Variants in ROPN1L observed in about 807,000 individuals in gnomAD.
ROPN1L encodes the protein rhophilin associated tail protein 1 like.
In ROPN1L, 23 loss-of-function variants were observed where a neutral mutation model predicts 22.7. That is an observed-to-expected ratio of 1.01 (90% CI 0.73 to 1.43). ROPN1L has a LOEUF of 1.43. ROPN1L is among the 40% of genes most tolerant of loss of function. The pLI is 0.00. For missense variants in ROPN1L, 271 were observed against 291.5 expected (o/e 0.93, Z 0.51); for synonymous variants, 116 against 117.8 (o/e 0.98, Z 0.10).
rs1170914114 is a variant in ROPN1L at position 10,457,097 on chromosome 5, C to A, written c.418-4087C>A. The stretch of plus-strand genomic sequence containing the variant: ...GAGCAAGTCCTGTCTTGGGGACAGT[C>A]TTTTAGAGGAGCCACGTGTGCAGTG... On this transcript the variant is annotated intron_variant, in intron 3 of 4. Transcript: ENST00000274134. 3.3e-5 allele frequency among the ~76,000 whole-genome samples: 5 copies of A among 152,192 alleles called. No individual in the cohort carries two copies. The East Asian group carries it at 9.6e-4, about 29-fold the overall frequency.
intron 1 of ROPN1L, 75 bp from the exon 2 acceptor site, chr5:10,448,185 G>C: frequency 6.4e-7 from 1 of 1,561,858 alleles, no homozygotes; most frequent in Non-Finnish European, 8.8e-7. Context: ...GTTTTGGGGG[G>C]TTATTTAAGA....
At chr5:10,454,333 A>G (rs1741351527) in intron 3 of ROPN1L, among the ~76,000 whole-genome samples, 1 of 152,116 alleles carries the variant, frequency 6.6e-6, no homozygotes, top group Non-Finnish European at 1.5e-5. Context: ...CATGTTGCCC[A>G]GGGTGATCTC....
chr5:10,443,738 TG>T (rs1245795365), intron 1 of ROPN1L, among the ~76,000 whole-genome samples: 1 of 152,220 alleles, frequency 6.6e-6, no homozygotes, highest in Non-Finnish European at 1.5e-5. Flanking sequence ...CTCTTTCCAG[TG>T]GTTCTCAGGA....
Position 10,442,380 on chromosome 5 carries a change from G to A in ROPN1L, c.131+82G>A, listed in dbSNP as rs1740913678. On this transcript the variant is annotated intron_variant, in intron 1 of 4. Coordinates refer to ENST00000274134, the MANE Select transcript of ROPN1L (RefSeq NM_031916.5). ...CAGAGAGCCCTCCTCCCGGACCAGG[G>A]GCCTTACGCGGCACTCAGCGTCCTT... 2.6e-6 allele frequency: 4 copies of A among 1,557,866 alleles called. No homozygotes were observed. The South Asian group carries it at 4.6e-5, about 18-fold the overall frequency.
chr5:10,457,076 A>G (rs1191593621), intron 3 of ROPN1L, among the ~76,000 whole-genome samples: 1 of 152,256 alleles, frequency 6.6e-6, no homozygotes, highest in African/African-American at 2.4e-5. Context: ...GGCTTTGAGC[A>G]AGTCCTGTCT....
At chr5:10,449,409 C>T (rs1053787067) in intron 2 of ROPN1L, among the ~76,000 whole-genome samples, 24 of 152,096 alleles carry the variant, frequency 1.6e-4, no homozygotes, top group African/African-American at 4.8e-4. Context: ...ATCCCAGCTA[C>T]TTGGGAGGCT....
At chr5:10,458,717 T>C (rs966819429) in intron 3 of ROPN1L, among the ~76,000 whole-genome samples, 1 of 40,014 alleles carries the variant, frequency 2.5e-5, no homozygotes, top group Non-Finnish European at 4.6e-5. Context: ...CATCATCCCC[T>C]TGTATACACC....
chr5:10,462,365 G>A (rs991328222), intron 4 of ROPN1L, among the ~76,000 whole-genome samples: 3 of 152,194 alleles, frequency 2.0e-5, no homozygotes, highest in Non-Finnish European at 4.4e-5. Context: ...ACACCTGATA[G>A]TATTCAGGGT....
intron 1 of ROPN1L, among the ~76,000 whole-genome samples, chr5:10,447,200 G>T (rs1741096153): frequency 6.6e-6 from 1 of 152,078 alleles, no homozygotes; most frequent in African/African-American, 2.4e-5. Context: ...AAGTCATTAG[G>T]GCCCCAAATG....
chr5:10,472,156 T>C (rs1735256840), downstream of ROPN1L: 1 of 152,242 alleles, frequency 6.6e-6, no homozygotes, highest in Non-Finnish European at 1.5e-5. Context: ...CTGTGTCTCA[T>C]TGTATAACTT....
intron 1 of ROPN1L, among the ~76,000 whole-genome samples, chr5:10,443,310 C>T (rs918852687): frequency 3.3e-5 from 5 of 151,810 alleles, no homozygotes; most frequent in Non-Finnish European, 7.4e-5. Flanking sequence ...CACCACAAAA[C>T]TTGACAGCTT....
chr5:10,468,020 C>G (rs1456657708), downstream of ROPN1L, among the ~76,000 whole-genome samples: 3 of 152,236 alleles, frequency 2.0e-5, no homozygotes, highest in Non-Finnish European at 4.4e-5. Context: ...ACGCACAGCC[C>G]TTAGATCACC....
chr5:10,451,616 G>A (rs969077767), intron 3 of ROPN1L, among the ~76,000 whole-genome samples: 8 of 152,184 alleles, frequency 5.3e-5, no homozygotes, highest in Non-Finnish European at 1.0e-4. Context: ...TGAGTGTGGC[G>A]CAGTTCACCA....
rs149104805 is a variant in ROPN1L at position 10,459,778 on chromosome 5, G to A, written c.418-1406G>A. Reference sequence around the variant, plus strand: ...ACTGCCTGCCTGCTGCTCCAGGCACGCCCTCTTCCAGAGCACCCTAGAATC... The same window carrying A: ...ACTGCCTGCCTGCTGCTCCAGGCACACCCTCTTCCAGAGCACCCTAGAATC... On this transcript the variant is annotated intron_variant, in intron 3 of 4. Coordinates refer to ENST00000274134, the MANE Select transcript of ROPN1L (RefSeq NM_031916.5). Among the ~76,000 whole-genome samples, 200 of 152,306 alleles carry A rather than the reference G, an allele frequency of 1.3e-3. 5 individuals are homozygous for A. In the East Asian group the frequency reaches 0.036, roughly 27 times the overall value.
intron 3 of ROPN1L, among the ~76,000 whole-genome samples, chr5:10,458,079 G>A (rs1734885727): frequency 1.3e-5 from 2 of 152,090 alleles, no homozygotes; most frequent in African/African-American, 4.8e-5. Context: ...CTGCCAAGGT[G>A]AAGTCCTCCA....
intron 3 of ROPN1L, among the ~76,000 whole-genome samples, chr5:10,456,725 C>T (rs1015732462): frequency 2.0e-5 from 3 of 152,206 alleles, no homozygotes; most frequent in Admixed American, 2.0e-4. Context: ...CTTATGAATC[C>T]TTCTGGATAT....
chr5:10,462,877 G>A (rs533449731), intron 4 of ROPN1L, among the ~76,000 whole-genome samples: 2 of 147,292 alleles, frequency 1.4e-5, no homozygotes, highest in East Asian at 2.0e-4. Flanking sequence ...CAACAAGATC[G>A]AGACTCCGTC....
chr5:10,472,422 T>G (rs994525162), downstream of ROPN1L, among the ~76,000 whole-genome samples: 1 of 152,058 alleles, frequency 6.6e-6, no homozygotes, highest in Non-Finnish European at 1.5e-5. Context: ...CCCAAGAGAG[T>G]TGGCACATGA....
intron 3 of ROPN1L, among the ~76,000 whole-genome samples, chr5:10,460,279 G>C (rs1275735092): frequency 6.6e-6 from 1 of 152,250 alleles, no homozygotes; most frequent in African/African-American, 2.4e-5. Context: ...CACACAAACA[G>C]CTCATGTTTT....
Sources: gnomAD v4.1 joint callset for allele counts (sites outside exome capture counted in the v4.1 genomes callset) on GRCh38, gnomAD v4.1.1 for gene constraint, MANE v1.5 for transcripts, NCBI Gene and HGNC (gene_info 2026-07-23, HGNC 2026-07-21) for gene names.